The following SNTB1 variants were observed in gnomAD, a reference collection of about 807,000 sequenced individuals.
SNTB1 encodes the protein beta-1-syntrophin.
In SNTB1, 36 loss-of-function variants were observed where a neutral mutation model predicts 48.9. The ratio of observed to expected loss-of-function variants is 0.74; its 90% CI spans 0.56 to 0.97. The LOEUF (loss-of-function observed/expected upper bound fraction) is 0.97. Among genes scored for constraint, SNTB1 ranks in the 50% least tolerant of loss-of-function variants. SNTB1 has a pLI of 0.00. For missense variants in SNTB1, 786 were observed against 703.4 expected, an observed-to-expected ratio of 1.12 and a Z score of -1.33; for synonymous variants, 299 against 294.6, an observed-to-expected ratio of 1.01 and a Z score of -0.15.
At chr8:120,604,778 C>A (rs1816485076) in intron 3 of SNTB1, among the ~76,000 whole-genome samples, 1 of 152,152 alleles carries the variant, frequency 6.6e-6, no homozygotes, top group East Asian at 1.9e-4. Context: ...TTCATACAGA[C>A]AACTATTCCA....
chr8:120,687,120 A>G (rs1057395540), intron 2 of SNTB1, among the ~76,000 whole-genome samples: 8 of 152,242 alleles, frequency 5.3e-5, no homozygotes, highest in Admixed American at 3.3e-4. Flanking sequence ...TATATAAAAC[A>G]TGAGGGGGCA....
At chr8:120,735,880 C>A (rs1176986241) in intron 1 of SNTB1, among the ~76,000 whole-genome samples, 1 of 152,172 alleles carries the variant, frequency 6.6e-6, no homozygotes, top group Non-Finnish European at 1.5e-5. Flanking sequence ...GGGTGGCTCA[C>A]AATAGTTCAC....
intron 2 of SNTB1, chr8:120,637,232 T>C: frequency 8.7e-6 from 3 of 344,904 alleles, no homozygotes; most frequent in Admixed American, 3.6e-5. Context: ...GATTCTACCA[T>C]AACAAAATAA....
rs920522027 is a variant in SNTB1 at position 120,683,890 on chromosome 8, C to A, written c.788+9802G>T. 3.3e-5 allele frequency among the ~76,000 whole-genome samples: 5 copies of A among 152,194 alleles called. No individual in the cohort carries two copies. In the East Asian group the frequency reaches 9.6e-4, roughly 29 times the overall value. On this transcript the variant is annotated intron_variant, in intron 2 of 6. Transcript: ENST00000517992. ...CCTGCCACCAATTAGAGGATGCCAACATTAAGTCATCTAATCATAATAATC... is the reference window on the plus strand; with the variant it reads ...CCTGCCACCAATTAGAGGATGCCAAAATTAAGTCATCTAATCATAATAATC...
intron 3 of SNTB1, among the ~76,000 whole-genome samples, chr8:120,625,058 G>A (rs1203493920): frequency 6.6e-6 from 1 of 152,214 alleles, no homozygotes; most frequent in Non-Finnish European, 1.5e-5. Context: ...CTAACAGGAA[G>A]TGGGCTGAAG....
chr8:120,768,672 G>C (rs1819568422), intron 1 of SNTB1: 1 of 152,186 alleles, frequency 6.6e-6, no homozygotes, highest in Non-Finnish European at 1.5e-5. Flanking sequence ...TTGAAAGAGA[G>C]AGAGGATGAC....
intron 3 of SNTB1, among the ~76,000 whole-genome samples, chr8:120,582,668 C>G (rs1816067953): frequency 6.6e-6 from 1 of 151,910 alleles, no homozygotes; most frequent in Non-Finnish European, 1.5e-5. Flanking sequence ...AACAGAAAAC[C>G]AAACACTGCA....
At chr8:120,582,765 G>A (rs943564834) in intron 3 of SNTB1, among the ~76,000 whole-genome samples, 4 of 152,076 alleles carry the variant, frequency 2.6e-5, no homozygotes, top group African/African-American at 4.8e-5. Flanking sequence ...GTCGGGGGAT[G>A]GGGGACAAGG....
intron 2 of SNTB1, among the ~76,000 whole-genome samples, chr8:120,673,894 C>G (rs66856703): frequency 6.6e-6 from 1 of 151,888 alleles, no homozygotes; most frequent in Non-Finnish European, 1.5e-5. Context: ...GGGAGTCGAC[C>G]TAAGATAATC....
In SNTB1 at chr8:120,734,483, C is replaced by T. The variant is rs149578157; in HGVS notation, c.572-40575G>A. Among the ~76,000 whole-genome samples the T allele has an allele frequency of 2.1e-3, 323 of 151,582 alleles. 1 individual carries two copies. The highest frequency in any genetic ancestry group is 7.3e-3 in the African/African-American group (301 of 41,270). ...AAAAGCTTTATTTGCAAAATTGTCA[C>T]GAAAGCTAACATTTATTGAATGCTT... On this transcript the variant is annotated intron_variant, in intron 1 of 6. Coordinates refer to ENST00000517992, the MANE Select transcript of SNTB1 (RefSeq NM_021021.4).
chr8:120,600,344 T>C (rs569249191), intron 3 of SNTB1, among the ~76,000 whole-genome samples: 1 of 152,346 alleles, frequency 6.6e-6, no homozygotes, highest in African/African-American at 2.4e-5. Flanking sequence ...GGTGCTCCAG[T>C]TGACAATCCC....
At chr8:120,718,611 T>G (rs562766474) in intron 1 of SNTB1, among the ~76,000 whole-genome samples, 1 of 152,272 alleles carries the variant, frequency 6.6e-6, no homozygotes, top group Non-Finnish European at 1.5e-5. Context: ...TAGAAGTGGG[T>G]CTGGTTCTGA....
At chr8:120,798,890 A>G (rs902303186) in intron 1 of SNTB1, among the ~76,000 whole-genome samples, 1 of 152,028 alleles carries the variant, frequency 6.6e-6, no homozygotes, top group Admixed American at 6.6e-5. Flanking sequence ...TAATGTTAGT[A>G]TATTATGTCT....
At chr8:120,571,769 G>A (rs764479188) in intron 4 of SNTB1, among the ~76,000 whole-genome samples, 21 of 152,084 alleles carry the variant, frequency 1.4e-4, no homozygotes, top group Middle Eastern at 3.2e-3. Context: ...AGAGTGCTGG[G>A]ATTACAGGCA....
intron 5 of SNTB1, 67 bp from the exon 6 acceptor site, chr8:120,542,067 A>C: frequency 1.5e-6 from 2 of 1,344,322 alleles, no homozygotes; most frequent in South Asian, 2.8e-5. Context: ...TTTCCCAATC[A>C]CTCACTTCTT....
chr8:120,641,105 C>A (rs1278321898), intron 2 of SNTB1, among the ~76,000 whole-genome samples: 3 of 150,482 alleles, frequency 2.0e-5, no homozygotes, highest in Admixed American at 6.6e-5. Context: ...AACTGTCAAT[C>A]AAAAAAAAAT....
chr8:120,672,742 A>G (rs914815153), intron 2 of SNTB1, among the ~76,000 whole-genome samples: 31 of 152,230 alleles, frequency 2.0e-4, no homozygotes, highest in African/African-American at 7.2e-4. Flanking sequence ...ATTGTGTACT[A>G]GGAAGTAAAG....
chr8:120,625,634 A>G (rs1434427932), intron 3 of SNTB1, among the ~76,000 whole-genome samples: 1 of 152,248 alleles, frequency 6.6e-6, no homozygotes, highest in East Asian at 1.9e-4. Flanking sequence ...ACTAATGGGA[A>G]GATTCCCAAG....
intron 1 of SNTB1, among the ~76,000 whole-genome samples, chr8:120,750,147 C>T (rs1393166773): frequency 1.3e-5 from 2 of 150,322 alleles, no homozygotes; most frequent in Non-Finnish European, 3.0e-5. Context: ...TCCCTACGTC[C>T]CTCCTTCCCT....
Sources: gnomAD v4.1 joint callset for allele counts (sites outside exome capture counted in the v4.1 genomes callset) on GRCh38, gnomAD v4.1.1 for gene constraint, MANE v1.5 for transcripts, NCBI Gene and HGNC (gene_info 2026-07-23, HGNC 2026-07-21) for gene names.